The following PRKG1 variants were observed in gnomAD, a reference collection of about 807,000 sequenced individuals.
PRKG1 encodes cGMP-dependent protein kinase 1.
A neutral mutation model predicts 88.1 loss-of-function variants in PRKG1; 35 were observed. The ratio of observed to expected loss-of-function variants is 0.40; its 90% CI spans 0.30 to 0.53. The LOEUF (loss-of-function observed/expected upper bound fraction) is 0.53. Among genes scored for constraint, PRKG1 ranks in the 20% least tolerant of loss-of-function variants. The pLI, the probability that PRKG1 is intolerant of heterozygous loss-of-function variation, is 0.59. For missense variants in PRKG1, 540 were observed against 839.8 expected (o/e 0.64, Z 4.41); for synonymous variants, 303 against 292.5 (o/e 1.04, Z -0.37).
intron 5 of PRKG1, among the ~76,000 whole-genome samples, chr10:51,914,650 A>G (rs1331563143): frequency 6.6e-6 from 1 of 152,114 alleles, no homozygotes; most frequent in Non-Finnish European, 1.5e-5. Flanking sequence ...ATTTGATTAG[A>G]TTTTCTTGGA....
At chr10:51,115,300 C>T (rs1311668429) in intron 1 of PRKG1, among the ~76,000 whole-genome samples, 7 of 90,970 alleles carry the variant, frequency 7.7e-5, no homozygotes, top group South Asian at 4.5e-4. Context: ...GGAGATAGAG[C>T]GAGACTCCAT....
chr10:51,558,148 T>C (rs1370193605), intron 3 of PRKG1, among the ~76,000 whole-genome samples: 1 of 152,134 alleles, frequency 6.6e-6, no homozygotes, highest in Non-Finnish European at 1.5e-5. Flanking sequence ...CAGTGCCTGG[T>C]TATTCACAGA....
chr10:51,265,079 T>C (rs1312778969), intron 2 of PRKG1, among the ~76,000 whole-genome samples: 1 of 151,924 alleles, frequency 6.6e-6, no homozygotes, highest in Non-Finnish European at 1.5e-5. Flanking sequence ...AGTAAGAGAG[T>C]TGTGCATGCA....
intron 2 of PRKG1, among the ~76,000 whole-genome samples, chr10:51,434,647 C>T (rs942001606): frequency 4.6e-5 from 7 of 152,062 alleles, no homozygotes; most frequent in African/African-American, 7.2e-5. Context: ...CTGTTTAAAA[C>T]GTAAGATCAG....
chr10:51,359,069 G>T (rs1300889788), intron 2 of PRKG1, among the ~76,000 whole-genome samples: 1 of 151,624 alleles, frequency 6.6e-6, no homozygotes, highest in East Asian at 1.9e-4. Context: ...GTTGATATTG[G>T]AAAGTGGCCA....
At chr10:51,354,252 G>T (rs1404783295) in intron 2 of PRKG1, among the ~76,000 whole-genome samples, 1 of 151,924 alleles carries the variant, frequency 6.6e-6, no homozygotes, top group East Asian at 1.9e-4. Flanking sequence ...TAGCACAACA[G>T]GAAGACTGTA....
At chr10:51,173,379 T>A (rs1038895914) in intron 2 of PRKG1, among the ~76,000 whole-genome samples, 1 of 151,780 alleles carries the variant, frequency 6.6e-6, no homozygotes, top group Non-Finnish European at 1.5e-5. Flanking sequence ...TTGGACCATG[T>A]AAATTTTCAA....
intron 5 of PRKG1, among the ~76,000 whole-genome samples, chr10:52,033,539 C>T (rs1303204971): frequency 6.6e-6 from 1 of 152,164 alleles, no homozygotes; most frequent in Non-Finnish European, 1.5e-5. Context: ...TATTCCCAGC[C>T]TTGGAGACAG....
At chr10:52,206,200 C>T (rs1273053390) in intron 9 of PRKG1, among the ~76,000 whole-genome samples, 1 of 152,142 alleles carries the variant, frequency 6.6e-6, no homozygotes, top group African/African-American at 2.4e-5. Context: ...GTCTATTCTG[C>T]TGTTAATATT....
At chr10:51,918,106 T>C (rs1842382900) in intron 5 of PRKG1, among the ~76,000 whole-genome samples, 1 of 152,214 alleles carries the variant, frequency 6.6e-6, no homozygotes, top group African/African-American at 2.4e-5. Flanking sequence ...ATTCTTATTA[T>C]TCCTAGTCCC....
chr10:52,168,999 C>T (rs976702017), intron 9 of PRKG1, among the ~76,000 whole-genome samples: 6 of 151,988 alleles, frequency 3.9e-5, no homozygotes, highest in African/African-American at 4.8e-5. Flanking sequence ...TTGAGAATAA[C>T]GAACATTTCG....
chr10:52,166,519 C>T (rs1288820341), intron 9 of PRKG1, among the ~76,000 whole-genome samples: 9 of 145,384 alleles, frequency 6.2e-5, no homozygotes, highest in African/African-American at 1.5e-4. Context: ...CTGCAAGCTC[C>T]GCCTCCCGGG....
intron 3 of PRKG1, among the ~76,000 whole-genome samples, chr10:51,684,084 C>G (rs139221369): frequency 2.6e-4 from 40 of 152,252 alleles, no homozygotes; most frequent in Admixed American, 1.4e-3. Context: ...CACACCGGCA[C>G]TATTCATAAT....
intron 1 of PRKG1, among the ~76,000 whole-genome samples, chr10:51,077,087 G>A (rs1843971940): frequency 6.6e-6 from 1 of 152,092 alleles, no homozygotes; most frequent in Admixed American, 6.5e-5. Flanking sequence ...CCTTTCTTAG[G>A]GAAAAAAGAA....
chr10:51,044,886 T>A (rs1290929168), intron 1 of PRKG1, among the ~76,000 whole-genome samples: 1 of 152,190 alleles, frequency 6.6e-6, no homozygotes, highest in Non-Finnish European at 1.5e-5. Flanking sequence ...TCATGATGCC[T>A]TTTTCTTTTA....
At chr10:52,176,001 TAA>T (rs1428900373) in intron 9 of PRKG1, among the ~76,000 whole-genome samples, 1 of 152,036 alleles carries the variant, frequency 6.6e-6, no homozygotes, top group Non-Finnish European at 1.5e-5. Context: ...CAGACTGATA[TAA>T]GTTTATTTGT....
chr10:51,161,614 T>C (rs1846365212), intron 2 of PRKG1, among the ~76,000 whole-genome samples: 1 of 151,914 alleles, frequency 6.6e-6, no homozygotes, highest in South Asian at 2.1e-4. Flanking sequence ...AAATGCCATC[T>C]TTTTTTTCAA....
At chr10:51,168,188 T>C (rs992732611) in intron 2 of PRKG1, among the ~76,000 whole-genome samples, 52 of 152,134 alleles carry the variant, frequency 3.4e-4, no homozygotes, top group Non-Finnish European at 6.6e-4. Flanking sequence ...AGTATTTTCA[T>C]AATAGCACTA....
At chr10:51,360,238 T>C (rs1196995151) in intron 2 of PRKG1, among the ~76,000 whole-genome samples, 1 of 151,956 alleles carries the variant, frequency 6.6e-6, no homozygotes. Context: ...TGTTACATTA[T>C]GCAGCATCAG....
Sources: allele counts gnomAD v4.1 joint callset (sites outside exome capture counted in the v4.1 genomes callset), GRCh38; gene constraint gnomAD v4.1.1; transcripts MANE v1.5; gene names NCBI Gene and HGNC (gene_info 2026-07-23, HGNC 2026-07-21).